The following FAAH2 variants were observed in gnomAD, a reference collection of about 807,000 sequenced individuals.
The protein encoded by FAAH2 is fatty acid amide hydrolase 2.
Under a neutral mutation model 36.9 loss-of-function variants are expected in FAAH2, and 60 were observed. The ratio of observed to expected loss-of-function variants is 1.63; its 90% CI spans 1.32 to 2.02. FAAH2 has a LOEUF of 2.02. Ranked by LOEUF, FAAH2 falls within the 30% of genes most tolerant of loss-of-function variation. The probability of loss-of-function intolerance (pLI) is 0.00; values close to 1 mark genes in which losing one functional copy is unlikely to be tolerated. For synonymous variants in FAAH2, 214 were observed against 143.8 expected (o/e 1.49, Z -3.49); for missense variants, 689 against 397.5 (o/e 1.73, Z -6.23).
chrX:57,202,572 A>C, the FAAH2 span, among the ~76,000 whole-genome samples: 1 of 111,863 alleles, frequency 8.9e-6, no homozygotes, highest in Non-Finnish European at 1.9e-5. Flanking sequence ...TTAGGACTGC[A>C]TGGGGACAGA....
At chrX:57,487,354 CA>C (rs931161790) in intron 10 of FAAH2, among the ~76,000 whole-genome samples, 1 of 110,037 alleles carries the variant, frequency 9.1e-6, no homozygotes, top group African/African-American at 3.3e-5. Flanking sequence ...AGACACTGAC[CA>C]GGGGAGAATA....
At chrX:57,194,955 GTA>G in the FAAH2 span, among the ~76,000 whole-genome samples, 2 of 111,446 alleles carry the variant, frequency 1.8e-5, no homozygotes, top group African/African-American at 6.5e-5. Flanking sequence ...TGGTGTGTGT[GTA>G]TGTGTGTGTG....
intron 5 of FAAH2, among the ~76,000 whole-genome samples, chrX:57,357,205 ATG>A (rs2054179445): frequency 2.7e-5 from 1 of 37,142 alleles, no homozygotes; most frequent in Non-Finnish European, 1.7e-4. Context: ...AAAGACTTAA[ATG>A]TAAGACCTAA....
chrX:57,279,279 AG>A, the FAAH2 span, among the ~76,000 whole-genome samples: 1 of 112,785 alleles, frequency 8.9e-6, no homozygotes, highest in Non-Finnish European at 1.9e-5. Flanking sequence ...GCCATAAAAA[AG>A]GATGAGTTCA....
chrX:57,468,837 G>A (rs977211627), intron 10 of FAAH2, among the ~76,000 whole-genome samples: 1 of 111,569 alleles, frequency 9.0e-6, no homozygotes, highest in African/African-American at 3.3e-5. Context: ...AATATTAAGG[G>A]CAGCCAGAGA....
chrX:57,238,324 G>T, the FAAH2 span, among the ~76,000 whole-genome samples: 3 of 111,845 alleles, frequency 2.7e-5, no homozygotes, highest in Admixed American at 2.8e-4. Context: ...CCAGAAAAAA[G>T]AATGAGATCA....
At chrX:57,172,345 G>A in the FAAH2 span, among the ~76,000 whole-genome samples, 2 of 111,183 alleles carry the variant, frequency 1.8e-5, no homozygotes, top group Admixed American at 1.9e-4. Context: ...GTGGGGAGTG[G>A]CTCGTTTCTT....
intron 7 of FAAH2, among the ~76,000 whole-genome samples, chrX:57,414,597 T>C (rs772996176): frequency 2.7e-5 from 3 of 111,423 alleles, no homozygotes; most frequent in Admixed American, 1.9e-4. Context: ...GCTTTTTGAT[T>C]CGCTACTGGA....
At chrX:57,193,770 A>G in the FAAH2 span, among the ~76,000 whole-genome samples, 2 of 112,171 alleles carry the variant, frequency 1.8e-5, no homozygotes, top group African/African-American at 6.5e-5. Context: ...TCTTTTCAGC[A>G]TCAATTGAAA....
chrX:57,233,846 T>C, the FAAH2 span, among the ~76,000 whole-genome samples: 4 of 112,434 alleles, frequency 3.6e-5, no homozygotes, highest in Non-Finnish European at 7.5e-5. Context: ...GGTTTTGCCA[T>C]GTTGGCCAGG....
intron 5 of FAAH2, among the ~76,000 whole-genome samples, chrX:57,350,206 G>C (rs1313183124): frequency 9.0e-6 from 1 of 111,052 alleles, no homozygotes; most frequent in African/African-American, 3.3e-5. Flanking sequence ...CCATACAAAT[G>C]CTGAGGGAAT....
At chrX:57,197,496 G>C in the FAAH2 span, among the ~76,000 whole-genome samples, 1,251 of 110,967 alleles carry the variant, frequency 0.011, 55 homozygotes, top group Admixed American at 0.11. Context: ...CATTTGGGTA[G>C]AGTATGTCAG....
In FAAH2 at chrX:57,352,160, A is replaced by G. The variant is rs1273118951; in HGVS notation, c.742+10770A>G. Among the ~76,000 whole-genome samples, 53 of 85,231 alleles carry G rather than the reference A, an allele frequency of 6.2e-4. 1 individual carries two copies. Among genetic ancestry groups the G allele is most frequent in the African/African-American group, 2.3e-3 (50 of 21,757 alleles). The allele number at this position is 85,231 out of a possible 115,157, so 74.0% of individuals were successfully genotyped here. ...TGTGTATATATATGCACATATATATACACATATATATATATGCCAATATTT... is the reference window on the plus strand; with the variant it reads ...TGTGTATATATATGCACATATATATGCACATATATATATATGCCAATATTT... On this transcript the variant is annotated intron_variant, in intron 5 of 10. Transcript: ENST00000374900.
intron 8 of FAAH2, among the ~76,000 whole-genome samples, chrX:57,438,246 G>C (rs1299511030): frequency 5.9e-5 from 2 of 34,128 alleles, no homozygotes; most frequent in African/African-American, 1.2e-4. Flanking sequence ...AGTATATATA[G>C]ATATAAGTAT....
At chrX:57,359,169 C>A (rs1205808815) in intron 5 of FAAH2, among the ~76,000 whole-genome samples, 1 of 110,610 alleles carries the variant, frequency 9.0e-6, no homozygotes, top group Non-Finnish European at 1.9e-5. Context: ...TACCCATTAA[C>A]AATCCTCCCT....
At chrX:57,385,804 A>G (rs2055006408) in intron 7 of FAAH2, among the ~76,000 whole-genome samples, 1 of 109,950 alleles carries the variant, frequency 9.1e-6, no homozygotes, top group Non-Finnish European at 1.9e-5. Context: ...GCTACTCGGG[A>G]GGCTGAGGCA....
At chrX:57,468,023 C>T (rs1216252548) in intron 10 of FAAH2, among the ~76,000 whole-genome samples, 1 of 112,053 alleles carries the variant, frequency 8.9e-6, no homozygotes, top group Admixed American at 9.5e-5. Flanking sequence ...TCAAACAATC[C>T]TGCAGCTGAT....
rs191259169 is a variant in FAAH2 at position 57,311,418 on chromosome X, G to A, written c.412+689G>A. ...CCTCACCTTCACCAGGAATCTTTGG[G>A]ATCCTAGCTATAGGGGAACCCTTGT... On this transcript the variant is annotated intron_variant, in intron 3 of 10. Coordinates refer to ENST00000374900, the MANE Select transcript of FAAH2 (RefSeq NM_174912.4). Among the ~76,000 whole-genome samples, 5 of 112,112 alleles carry A rather than the reference G, an allele frequency of 4.5e-5. No homozygotes were observed. In the Admixed American group the frequency reaches 4.7e-4, roughly 11 times the overall value.
At chrX:57,286,511 C>T (rs1012752153), upstream of FAAH2, among the ~76,000 whole-genome samples, 1 of 110,871 alleles carries the variant, frequency 9.0e-6, no homozygotes, top group Non-Finnish European at 1.9e-5. Context: ...TGTAGGTTGG[C>T]CAGGGCTACA....
Sources: allele counts gnomAD v4.1 joint callset (sites outside exome capture counted in the v4.1 genomes callset), GRCh38; gene constraint gnomAD v4.1.1; transcripts MANE v1.5; gene names NCBI Gene and HGNC (gene_info 2026-07-23, HGNC 2026-07-21).